The following FEZF1 variants were observed in gnomAD, a reference collection of about 807,000 sequenced individuals.
FEZF1 encodes fez family zinc finger protein 1.
A neutral mutation model predicts 32.4 loss-of-function variants in FEZF1; 8 were observed. The ratio of observed to expected loss-of-function variants is 0.25; its 90% CI spans 0.15 to 0.45. The LOEUF is 0.45. Among genes scored for constraint, FEZF1 ranks in the 20% least tolerant of loss-of-function variants. The pLI is 1.00. For missense variants in FEZF1, 546 were observed against 622.3 expected (o/e 0.88, Z 1.31); for synonymous variants, 259 against 265.2 (o/e 0.98, Z 0.23).
upstream of FEZF1, chr7:122,306,925 T>C (rs2031299042): frequency 6.6e-6 from 1 of 152,216 alleles, no homozygotes; most frequent in South Asian, 2.1e-4. Flanking sequence ...GAACCGTCCT[T>C]GGCCCGGGTG....
upstream of FEZF1, chr7:122,306,679 C>T (rs953568755): frequency 6.6e-6 from 1 of 152,244 alleles, no homozygotes; most frequent in Non-Finnish European, 1.5e-5. Context: ...TGGGAAAGCT[C>T]ACAGGCTGAA....
upstream of FEZF1, chr7:122,305,217 G>GTGGGCCGGGA (rs1554417903): frequency 6.6e-6 from 1 of 152,072 alleles, no homozygotes; most frequent in Non-Finnish European, 1.5e-5. Context: ...CTGGGCCTGG[G>GTGGGCCGGGA]TGGGCCGGGC....
At chr7:122,307,869 A>G (rs971675508), upstream of FEZF1, among the ~76,000 whole-genome samples, 1 of 152,262 alleles carries the variant, frequency 6.6e-6, no homozygotes, top group Non-Finnish European at 1.5e-5. Context: ...CATGTTAATT[A>G]GTAATACTAT....
Position 122,301,985 on chromosome 7 carries a change from C to T in FEZF1, c.*12G>A. On this transcript the variant is annotated 3_prime_UTR_variant, in exon 4 of 4. Coordinates refer to ENST00000442488, the MANE Select transcript of FEZF1 (RefSeq NM_001024613.4). ...GGGGCACGGCTGAGGCTGGGAGGACCCTTAGCCTCGATCACTGGTGGCCCT... is the reference window on the plus strand; with the variant it reads ...GGGGCACGGCTGAGGCTGGGAGGACTCTTAGCCTCGATCACTGGTGGCCCT... The T allele has an allele frequency of 6.3e-7, 1 of 1,580,324 alleles. No homozygotes were observed. The highest frequency in any genetic ancestry group is 8.5e-7 in the Non-Finnish European group (1 of 1,173,934).
chr7:122,308,782 G>T (rs1356062319), upstream of FEZF1, among the ~76,000 whole-genome samples: 3 of 152,094 alleles, frequency 2.0e-5, no homozygotes, highest in Non-Finnish European at 4.4e-5. Flanking sequence ...TTCACCAAGA[G>T]CAACAGTCTG....
Position 122,302,989 on chromosome 7 carries a change from C to G in FEZF1, c.937-58G>C. On this transcript the variant is annotated intron_variant, in intron 2 of 3. Transcript: ENST00000442488. The surrounding 1 kb of genome is among the most constrained non-coding windows in gnomAD (Gnocchi z 4.4). ...AGATATTTTCTAATTATGTGAAGTT[C>G]TGCAAGCTCAAAACACAGTAATGCT... 6.4e-7 allele frequency: 1 copy of G among 1,563,250 alleles called. No homozygotes were observed. Among genetic ancestry groups the G allele is most frequent in the Non-Finnish European group, 8.7e-7 (1 of 1,153,826 alleles).
chr7:122,306,656 G>C (rs1192771546), upstream of FEZF1: 1 of 152,370 alleles, frequency 6.6e-6, no homozygotes, highest in Non-Finnish European at 1.5e-5. Context: ...GGCAGTGGCA[G>C]CTGGGTGAGT....
chr7:122,302,771 C>G lies in FEZF1; in HGVS notation c.1069+28G>C. 1 of 1,453,416 alleles carries G rather than the reference C, an allele frequency of 6.9e-7. No individual in the cohort carries two copies. The highest frequency in any genetic ancestry group is 2.5e-5 in the East Asian group (1 of 39,620). The allele number at this position is 1,453,416 out of a possible 1,614,324, so 90.0% of individuals were successfully genotyped here. On this transcript the variant is annotated intron_variant, in intron 3 of 3. Transcript: ENST00000442488. This position sits in a 1 kb window ranked among gnomAD's most constrained non-coding sequence, Gnocchi z 4.4. ...AAGTATGGCTTTTCATAAGACTAAC[C>G]ATGAGAGACATTTCCTGGTTTGCAT...
At chr7:122,307,455 T>C (rs1325920801), upstream of FEZF1, 1 of 152,524 alleles carries the variant, frequency 6.6e-6, no homozygotes, top group Non-Finnish European at 1.5e-5. Context: ...CCTGCCTTCT[T>C]GACTGAATGC....
upstream of FEZF1, chr7:122,305,097 A>T (rs2031235084): frequency 6.6e-6 from 1 of 152,240 alleles, no homozygotes; most frequent in Admixed American, 6.5e-5. Context: ...AAGGAAACGG[A>T]GTCTAATTCA....
rs769335729 is a variant in FEZF1 at position 122,302,790 on chromosome 7, T to C, written c.1069+9A>G. 1.2e-6 allele frequency: 2 copies of C among 1,613,714 alleles called. No individual in the cohort carries two copies. Among genetic ancestry groups the C allele is most frequent in the Non-Finnish European group, 1.7e-6 (2 of 1,179,710 alleles). On this transcript the variant is annotated intron_variant, in intron 3 of 3. Coordinates refer to ENST00000442488, the MANE Select transcript of FEZF1 (RefSeq NM_001024613.4). This position sits in a 1 kb window ranked among gnomAD's most constrained non-coding sequence, Gnocchi z 4.4. Reference sequence around the variant, plus strand: ...ACTAACCATGAGAGACATTTCCTGGTTTGCATACCTTTTTGATGAAACCCT... The same window carrying C: ...ACTAACCATGAGAGACATTTCCTGGCTTGCATACCTTTTTGATGAAACCCT...
In FEZF1 at chr7:122,301,454, G is replaced by A. The variant is rs2150611031; in HGVS notation, c.*543C>T. 6.6e-6 allele frequency: 1 copy of A among 152,450 alleles called. No individual in the cohort carries two copies. Among genetic ancestry groups the A allele is most frequent in the East Asian group, 1.9e-4 (1 of 5,190 alleles). The allele number at this position is 152,450 out of a possible 1,614,324, so 9.4% of individuals were successfully genotyped here. A position where few individuals can be genotyped will look rare whatever the true frequency, so the allele number is the denominator to read the frequency against. ...GGGTGTGTGCTCACGAATGTGGAATGTACCCCTATGGGCGCACACATCTAT... is the reference window on the plus strand; with the variant it reads ...GGGTGTGTGCTCACGAATGTGGAATATACCCCTATGGGCGCACACATCTAT... On this transcript the variant is annotated 3_prime_UTR_variant, in exon 4 of 4. Coordinates refer to ENST00000442488, the MANE Select transcript of FEZF1 (RefSeq NM_001024613.4).
Position 122,303,285 on chromosome 7 carries a change from G to T in FEZF1, c.828C>A (p.Thr276=). ...CTCCTGTGTGCACTGGCATGTGACG[G>T]GTTAAGTTATAGTGCGCATTAAAGA... ...GKVFNAHYNL[T]RHMPVHTGAR... The change falls in exon 2 of 4, where the codon ACC becomes ACA. Residue 276 remains threonine, a synonymous_variant. Coordinates refer to ENST00000442488, the MANE Select transcript of FEZF1 (RefSeq NM_001024613.4). 6.2e-7 allele frequency: 1 copy of T among 1,614,026 alleles called. No individual in the cohort carries two copies. The highest frequency in any genetic ancestry group is 8.5e-7 in the Non-Finnish European group (1 of 1,180,018).
Position 122,302,336 on chromosome 7 carries a change from C to A in FEZF1, c.1089G>T (p.Lys363Asn). 6.2e-7 allele frequency: 1 copy of A among 1,614,010 alleles called. No homozygotes were observed. The highest frequency in any genetic ancestry group is 8.5e-7 in the Non-Finnish European group (1 of 1,180,020). ...ACTGCTTCTCCCCGCTGTGGGTCAA[C>A]TTGTGGTTTTTGTAATTCCCTGAAA... ...FHQKGNYKNH[K>N]LTHSGEKQFK... Residue 363 changes from lysine (K) to asparagine (N), a missense_variant, in exon 4 of 4, where the codon AAG becomes AAT. Transcript: ENST00000442488. This position sits in a 1 kb window ranked among gnomAD's most constrained non-coding sequence, Gnocchi z 4.4.
chr7:122,303,051 T>C (rs2031102645), intron 2 of FEZF1, 120 bp from the exon 3 acceptor site: 10 of 1,522,336 alleles, frequency 6.6e-6, no homozygotes, highest in Non-Finnish European at 7.2e-6. Flanking sequence ...AAACAATACA[T>C]GGCATTCACC....
rs542511212 is a variant in FEZF1, at chr7:122,303,652, G to T, written c.786C>A (p.Cys262Ter). Residue 262 changes from cysteine (C) to a stop codon, truncating the protein, a stop_gained, in exon 1 of 4, where the codon TGC becomes TGA. Coordinates refer to ENST00000442488, the MANE Select transcript of FEZF1 (RefSeq NM_001024613.4). LOFTEE classifies it high-confidence loss of function. ...SPNAKPKVFTCEVCGKVFNAH... is the reference protein window; with the variant it reads ...SPNAKPKVFT ...TTGTACTTGCCTTTCCACACACTTC[G>T]CAAGTGAAAACTTTGGGCTTGGCAT... 6.2e-7 allele frequency: 1 copy of T among 1,613,758 alleles called. No individual in the cohort carries two copies. The highest frequency in any genetic ancestry group is 8.5e-7 in the Non-Finnish European group (1 of 1,179,916).
upstream of FEZF1, chr7:122,305,306 C>T (rs2031242546): frequency 1.3e-5 from 2 of 152,316 alleles, no homozygotes; most frequent in Non-Finnish European, 2.9e-5. Context: ...GTTGCCCGCT[C>T]CCGGAATCCC....
At chr7:122,306,478 T>G (rs1399596780), upstream of FEZF1, 3 of 152,102 alleles carry the variant, frequency 2.0e-5, no homozygotes, top group African/African-American at 7.2e-5. Flanking sequence ...GACGTCAAAG[T>G]ATTCCCTCCT....
At position 122,302,048 on chromosome 7, in the gene FEZF1, C is replaced by A; in HGVS notation, c.1377G>T (p.Pro459=). The A allele has an allele frequency of 6.2e-7, 1 of 1,602,962 alleles. No homozygotes were observed. The change falls in exon 4 of 4, where the codon CCG becomes CCT. Residue 459 remains proline, a synonymous_variant. Coordinates refer to ENST00000442488, the MANE Select transcript of FEZF1 (RefSeq NM_001024613.4). The surrounding 1 kb of genome is among the most constrained non-coding windows in gnomAD (Gnocchi z 4.4). ...PPMTLPPLQP[P]LPTPGPLQPG... is the part of the protein sequence containing the mutation. ...GCTGCAGGGGCCCCGGGGTTGGCAGCGGCGGCTGCAGAGGAGGCAGCGTCA... is the reference window on the plus strand; with the variant it reads ...GCTGCAGGGGCCCCGGGGTTGGCAGAGGCGGCTGCAGAGGAGGCAGCGTCA...
Sources: gnomAD v4.1 joint callset for allele counts (sites outside exome capture counted in the v4.1 genomes callset) on GRCh38, gnomAD v4.1.1 for gene constraint, Gnocchi (gnomAD v3.1) non-coding constraint, MANE v1.5 for transcripts, NCBI Gene and HGNC (gene_info 2026-07-23, HGNC 2026-07-21) for gene names.